BTAF1: variants seen among roughly 807,000 people sequenced by gnomAD.
The protein encoded by BTAF1 is B-TFIID TATA-box binding protein associated factor 1, also known as TATA-binding protein-associated factor 172.
Under a neutral mutation model 227.1 loss-of-function variants are expected in BTAF1, and 38 were observed. The ratio of observed to expected loss-of-function variants is 0.17; its 90% CI spans 0.13 to 0.22. BTAF1 has a LOEUF of 0.22. BTAF1 is among the 10% of genes least tolerant of loss of function. BTAF1 has a pLI of 1.00. For missense variants in BTAF1, 1,598 were observed against 2,204.0 expected, an observed-to-expected ratio of 0.73 and a Z score of 5.51; for synonymous variants, 742 against 751.9, an observed-to-expected ratio of 0.99 and a Z score of 0.21.
At chr10:91,944,608 C>A (rs536862324) in intron 4 of BTAF1, among the ~76,000 whole-genome samples, 1 of 152,320 alleles carries the variant, frequency 6.6e-6, no homozygotes, top group Non-Finnish European at 1.5e-5. Context: ...GTATACAATT[C>A]AGTGGTTTTT....
Position 91,980,533 on chromosome 10 carries a change from A to G in BTAF1, c.1730A>G (p.Gln577Arg), listed in dbSNP as rs1847987748. 1 of 1,612,622 alleles carries G rather than the reference A, an allele frequency of 6.2e-7. No homozygotes were observed. The change falls in exon 15 of 38, where the codon CAG (glutamine) becomes CGG (arginine). Residue 577 changes from glutamine to arginine, a missense_variant. Gln to Arg is a conservative substitution (Grantham distance 43). Around this residue, in one of 10 missense-constraint regions of BTAF1, gnomAD observed 318 missense variants for 435.0 expected, o/e 0.73. Coordinates refer to ENST00000265990, the MANE Select transcript of BTAF1 (RefSeq NM_003972.3). ...CAGTTCTGTGTTTTGGAAAGCAGCC[A>G]GGAAATTCTGGACCTTATTCACAAG... The part of the protein sequence containing the change: ...IFQFCVLESS[Q>R]EILDLIHKVW...
At chr10:92,012,271 T>C (rs145079764) in intron 30 of BTAF1, among the ~76,000 whole-genome samples, 5 of 12,572 alleles carry the variant, frequency 4.0e-4, no homozygotes, top group African/African-American at 1.9e-3. Context: ...CCTCCCCTCC[T>C]AGGGCCTCAC....
intron 24 of BTAF1, 114 bp from the exon 25 acceptor site, chr10:91,997,489 T>TA: frequency 1.1e-6 from 1 of 905,576 alleles, no homozygotes; most frequent in South Asian, 1.8e-5. Context: ...TTTTCCCTCA[T>TA]AATACAGATG....
chr10:91,945,287 T>A (rs7912721), intron 4 of BTAF1, among the ~76,000 whole-genome samples: 90,114 of 151,992 alleles, frequency 0.59, 30,444 homozygotes, highest in East Asian at 0.77. Context: ...TCAGGTTTTT[T>A]AAATTGTGGT....
intron 6 of BTAF1, among the ~76,000 whole-genome samples, chr10:91,956,203 A>G (rs2133877247): frequency 6.6e-6 from 1 of 152,300 alleles, no homozygotes; most frequent in East Asian, 1.9e-4. Flanking sequence ...GATGCAGGTT[A>G]TATGCAGGTT....
chr10:91,942,711 T>C (rs1845098171), intron 4 of BTAF1, 143 bp downstream of exon 4: 2 of 912,754 alleles, frequency 2.2e-6, no homozygotes, highest in Non-Finnish European at 3.2e-6. Context: ...CGGGGGATGC[T>C]ATGAATGGGA....
chr10:92,001,230 A>T (rs1448895238), intron 25 of BTAF1, among the ~76,000 whole-genome samples: 2 of 152,318 alleles, frequency 1.3e-5, no homozygotes, highest in South Asian at 2.1e-4. Flanking sequence ...AGAATTAGCA[A>T]AACAGAGTAC....
intron 19 of BTAF1, 135 bp downstream of exon 19, chr10:91,984,539 C>A (rs1848271160): frequency 5.5e-6 from 4 of 725,932 alleles, no homozygotes; most frequent in Non-Finnish European, 8.7e-6. Flanking sequence ...TCATCTCTAC[C>A]CTTGAGAAAG....
At chr10:91,939,042 T>C (rs942037551) in intron 2 of BTAF1, among the ~76,000 whole-genome samples, 2 of 151,840 alleles carry the variant, frequency 1.3e-5, no homozygotes, top group Non-Finnish European at 2.9e-5. Context: ...TAATTTATAG[T>C]ATATTACTGT....
intron 23 of BTAF1, among the ~76,000 whole-genome samples, chr10:91,995,869 A>G (rs1191315834): frequency 6.6e-6 from 1 of 152,208 alleles, no homozygotes; most frequent in African/African-American, 2.4e-5. Flanking sequence ...TGTTGTGATT[A>G]TAACACCTAT....
chr10:92,023,438 A>G (rs189816847), intron 34 of BTAF1, among the ~76,000 whole-genome samples: 19 of 152,280 alleles, frequency 1.2e-4, no homozygotes, highest in African/African-American at 3.1e-4. Context: ...CTGTAATCCC[A>G]GCACTTTGGG....
chr10:91,978,767 G>C (rs577719082), intron 14 of BTAF1, among the ~76,000 whole-genome samples: 1 of 147,230 alleles, frequency 6.8e-6, no homozygotes, highest in Admixed American at 6.8e-5. Context: ...GTAGAGTTAA[G>C]ACAGTGAAGT....
chr10:92,018,763 C>CTT lies in BTAF1; in HGVS notation c.4711-12_4711-11dup. The CTT allele has an allele frequency of 6.8e-7, 1 of 1,466,356 alleles. No homozygotes were observed. 90.8% of individuals were successfully genotyped at this position (1,466,356 alleles called of 1,614,324 possible). ...GATATGCGAAATTGACTCATATATA[C>CTT]TTTTTTTTTCCTCTTGAAGGCATTA... On this transcript the variant is annotated intron_variant, in intron 33 of 37. Coordinates refer to ENST00000265990, the MANE Select transcript of BTAF1 (RefSeq NM_003972.3).
Position 91,923,831 on chromosome 10 carries a change from C to T in BTAF1, c.-246C>T, listed in dbSNP as rs1409024345. On this transcript the variant is annotated 5_prime_UTR_variant, in exon 1 of 38. Coordinates refer to ENST00000265990, the MANE Select transcript of BTAF1 (RefSeq NM_003972.3). ...GAGCTGAGGGTACCCGGTTTGAAGT[C>T]GTGCGGGTCGGAGGACTGCCGCCTC... The T allele has an allele frequency of 1.4e-5, 6 of 435,096 alleles. No homozygotes were observed. The highest frequency in any genetic ancestry group is 2.0e-5 in the Non-Finnish European group (5 of 245,408). The allele number at this position is 435,096 out of a possible 1,614,324, so 27.0% of individuals were successfully genotyped here.
Position 92,011,099 on chromosome 10 carries a change from A to G in BTAF1, c.4130A>G (p.Asn1377Ser), listed in dbSNP as rs1850262064. 6.2e-7 allele frequency: 1 copy of G among 1,607,572 alleles called. No individual in the cohort carries two copies. Among genetic ancestry groups the G allele is most frequent in the African/African-American group, 1.3e-5 (1 of 74,710 alleles). The change falls in exon 29 of 38, where the codon AAT becomes AGT. Residue 1377 changes from asparagine to serine, a missense_variant. Transcript: ENST00000265990. ...IRLQHQVKRH[N>S]LIVASYDVVR... ...TTACAGCACCAAGTAAAAAGGCACA[A>G]TCTAATAGTGGCTTCATATGATGTT...
intron 35 of BTAF1, among the ~76,000 whole-genome samples, chr10:92,025,255 C>T (rs1258462847): frequency 6.6e-6 from 1 of 152,050 alleles, no homozygotes; most frequent in African/African-American, 2.4e-5. Context: ...TTCCCCCTTA[C>T]CTTTTTGGGA....
At chr10:91,952,770 C>T (rs1242369051) in intron 5 of BTAF1, among the ~76,000 whole-genome samples, 4 of 151,708 alleles carry the variant, frequency 2.6e-5, no homozygotes. Flanking sequence ...TACAGCAACA[C>T]CCTGAAAGGA....
intron 14 of BTAF1, among the ~76,000 whole-genome samples, chr10:91,973,019 A>G (rs1406859520): frequency 6.6e-6 from 1 of 152,178 alleles, no homozygotes; most frequent in Non-Finnish European, 1.5e-5. Flanking sequence ...AAGATCATTG[A>G]CCTATTGTGA....
Position 91,980,533 on chromosome 10 carries a change from A to T in BTAF1, c.1730A>T (p.Gln577Leu). Residue 577 changes from glutamine to leucine, a missense_variant, in exon 15 of 38, where the codon CAG becomes CTG. Around this residue, in one of 10 missense-constraint regions of BTAF1, gnomAD observed 318 missense variants for 435.0 expected, o/e 0.73. Coordinates refer to ENST00000265990, the MANE Select transcript of BTAF1 (RefSeq NM_003972.3). ...CAGTTCTGTGTTTTGGAAAGCAGCC[A>T]GGAAATTCTGGACCTTATTCACAAG... ...IFQFCVLESSQEILDLIHKVW... is the reference protein window; with the variant it reads ...IFQFCVLESSLEILDLIHKVW... 1 of 1,612,622 alleles carries T rather than the reference A, an allele frequency of 6.2e-7. No homozygotes were observed. Among genetic ancestry groups the T allele is most frequent in the Non-Finnish European group, 8.5e-7 (1 of 1,178,962 alleles).
Sources: gnomAD v4.1 joint callset for allele counts (sites outside exome capture counted in the v4.1 genomes callset) on GRCh38, gnomAD v4.1.1 for gene constraint, gnomAD v4.1.1 regional missense constraint, MANE v1.5 for transcripts, NCBI Gene and HGNC (gene_info 2026-07-23, HGNC 2026-07-21) for gene names.